TKFC: variants seen among roughly 807,000 people sequenced by gnomAD.
TKFC encodes the protein triokinase and FMN cyclase, also known as triokinase/FMN cyclase.
A neutral mutation model predicts 61.0 loss-of-function variants in TKFC; 46 were observed. That is an observed-to-expected ratio of 0.75 (90% CI 0.60 to 0.96). The LOEUF (loss-of-function observed/expected upper bound fraction) is 0.96, where lower values mean the gene tolerates loss of function less well. Among genes scored for constraint, TKFC ranks in the 50% least tolerant of loss-of-function variants. The pLI is 0.00. For missense variants in TKFC, 715 were observed against 777.5 expected (o/e 0.92, Z 0.96); for synonymous variants, 314 against 330.1 (o/e 0.95, Z 0.53).
At chr11:61,333,712 A>T (rs184233557) in intron 1 of TKFC, 133 of 152,116 alleles carry the variant, frequency 8.7e-4, no homozygotes, top group Non-Finnish European at 1.4e-3. Context: ...TCAAACACAA[A>T]ACCAGTATTT....
In TKFC at chr11:61,341,437, T is replaced by G. The variant is rs1590730099; in HGVS notation, c.488T>G (p.Val163Gly). 1 of 1,553,128 alleles carries G rather than the reference T, an allele frequency of 6.4e-7. No individual in the cohort carries two copies. Among genetic ancestry groups the G allele is most frequent in the Non-Finnish European group, 8.7e-7 (1 of 1,147,700 alleles). The part of the protein sequence containing the change: ...GLCGTVLIHK[V>G]AGALAEAGVG... ...GCTTTTACCTCTTTGTGGCTGCAGG[T>G]GGCAGGTGCTCTGGCTGAGGCTGGT... is the stretch of plus-strand genomic sequence containing the variant. The change falls in exon 6 of 18, where the codon GTG becomes GGG. Residue 163 changes from valine to glycine, a missense_variant and splice_region_variant. Coordinates refer to ENST00000394900, the MANE Select transcript of TKFC (RefSeq NM_015533.4).
chr11:61,341,062 A>C (rs967810313), intron 5 of TKFC, among the ~76,000 whole-genome samples: 1 of 151,592 alleles, frequency 6.6e-6, no homozygotes, highest in East Asian at 1.9e-4. Flanking sequence ...GGGTGGATGG[A>C]TGGATGGATA....
chr11:61,342,989 C>T, intron 10 of TKFC, 145 bp downstream of exon 10: 1 of 794,028 alleles, frequency 1.3e-6, no homozygotes, highest in Non-Finnish European at 2.0e-6. Context: ...ATACCTTGAG[C>T]CTCTGTTTGT....
chr11:61,334,784 C>T (rs1281079531), intron 2 of TKFC, 53 bp downstream of exon 2: 2 of 1,613,426 alleles, frequency 1.2e-6, no homozygotes, highest in Admixed American at 3.3e-5. Context: ...AAAGCAGGAT[C>T]CCAGCCTTGG....
At chr11:61,350,433 A>T, downstream of TKFC, 1 of 1,611,332 alleles carries the variant, frequency 6.2e-7, no homozygotes, top group African/African-American at 1.3e-5. Context: ...CTGGAAAGAG[A>T]GGCAGATGCC....
In TKFC at chr11:61,337,799, C is replaced by T. The variant is rs78000519; in HGVS notation, c.4-142C>T. On this transcript the variant is annotated intron_variant, in intron 2 of 17. Transcript: ENST00000394900. ...TCACAGAAATACCCACCTAAGATGT[C>T]GCCCAACTCAAGGAAGTCCTGTGCT... 1.1e-3 allele frequency: 722 copies of T among 661,842 alleles called. 7 individuals are homozygous for T. In the African/African-American group the frequency reaches 0.012, roughly 11 times the overall value. 41.0% of individuals were successfully genotyped at this position (661,842 alleles called of 1,614,324 possible).
intron 3 of TKFC, 58 bp from the exon 4 acceptor site, chr11:61,339,008 C>A: frequency 6.8e-7 from 1 of 1,479,648 alleles, no homozygotes; most frequent in Non-Finnish European, 9.3e-7. Context: ...TGGGAAGCCC[C>A]AGTGACTACA....
In TKFC at chr11:61,343,954, CCT is replaced by C. The variant is rs1030962633; in HGVS notation, c.1082_1083del (p.Pro361ArgfsTer40). 9 of 1,611,472 alleles carry C rather than the reference CCT, an allele frequency of 5.6e-6. No homozygotes were observed. In the African/African-American group the frequency reaches 9.3e-5, roughly 17 times the overall value. ...RVAPAEPQEA[P>X]DSTAAGGSAS... is the part of the protein sequence containing the mutation. Reference sequence around the variant, plus strand: ...AGCCCCTGCCGAGCCCCAGGAGGCCCCTGATTCCACTGCTGCAGGAGGTACCA... The same window carrying C: ...AGCCCCTGCCGAGCCCCAGGAGGCCCGATTCCACTGCTGCAGGAGGTACCA... On this transcript the variant is annotated frameshift_variant, in exon 12 of 18. Transcript: ENST00000394900. LOFTEE classifies it high-confidence loss of function.
chr11:61,351,332 C>T (rs1027332397), downstream of TKFC: 20 of 608,866 alleles, frequency 3.3e-5, no homozygotes, highest in Admixed American at 5.5e-4. Context: ...CTCTGTCACC[C>T]GGGCTGGAGT....
At position 61,341,461 on chromosome 11, in the gene TKFC, G is replaced by T. The variant is rs747130764; in HGVS notation, c.512G>T (p.Gly171Val). Reference sequence around the variant, plus strand: ...GTGGCAGGTGCTCTGGCTGAGGCTGGTGTGGGGCTGGAGGAGATCGCAAAG... The same window carrying T: ...GTGGCAGGTGCTCTGGCTGAGGCTGTTGTGGGGCTGGAGGAGATCGCAAAG... ...HKVAGALAEA[G>V]VGLEEIAKQV... Residue 171 changes from glycine (G) to valine (V), a missense_variant, in exon 6 of 18, where the codon GGT becomes GTT. Transcript: ENST00000394900. The T allele has an allele frequency of 8.4e-6, 13 of 1,554,882 alleles. No individual in the cohort carries two copies.
intron 5 of TKFC, 195 bp downstream of exon 5, chr11:61,339,630 C>A: frequency 1.6e-6 from 1 of 630,186 alleles, no homozygotes; most frequent in Non-Finnish European, 2.7e-6. Flanking sequence ...CCAGACTCGT[C>A]CCCTTTTCTT....
In TKFC at chr11:61,348,486, T is replaced by C. The variant is rs1857247592; in HGVS notation, c.*1983T>C. On this transcript the variant is annotated 3_prime_UTR_variant, in exon 18 of 18. Coordinates refer to ENST00000394900, the MANE Select transcript of TKFC (RefSeq NM_015533.4). Reference sequence around the variant, plus strand: ...CATCATTTCATTAGAGGGCTGTTATTAGAGACTGAATGTTTGTGTCCCCCC... The same window carrying C: ...CATCATTTCATTAGAGGGCTGTTATCAGAGACTGAATGTTTGTGTCCCCCC... 1 of 985,370 alleles carries C rather than the reference T, an allele frequency of 1.0e-6. No individual in the cohort carries two copies. Among genetic ancestry groups the C allele is most frequent in the African/African-American group, 1.7e-5 (1 of 57,226 alleles). The allele number at this position is 985,370 out of a possible 1,614,324, so 61.0% of individuals were successfully genotyped here. A position where few individuals can be genotyped will look rare whatever the true frequency, so the allele number is the denominator to read the frequency against.
chr11:61,338,160 C>T (rs1856694448), intron 3 of TKFC, 30 bp downstream of exon 3: 1 of 1,536,428 alleles, frequency 6.5e-7, no homozygotes, highest in South Asian at 1.2e-5. Flanking sequence ...GCAGGGGGTA[C>T]TAGTGGAGTG....
intron 7 of TKFC, 72 bp from the exon 8 acceptor site, chr11:61,342,389 G>A (rs1401211974): frequency 6.3e-7 from 1 of 1,598,576 alleles, no homozygotes; most frequent in Non-Finnish European, 8.6e-7. Context: ...AGCACTGTGT[G>A]AGTCCTTGAT....
chr11:61,338,429 T>G (rs1856707645), intron 3 of TKFC, among the ~76,000 whole-genome samples: 1 of 152,170 alleles, frequency 6.6e-6, no homozygotes, highest in East Asian at 1.9e-4. Context: ...CCCACCCCGA[T>G]TCCATGAAGG....
At position 61,347,589 on chromosome 11, in the gene TKFC, C is replaced by G. The variant is rs1302463324; in HGVS notation, c.*1086C>G. 2.0e-6 allele frequency: 2 copies of G among 984,280 alleles called. No homozygotes were observed. The highest frequency in any genetic ancestry group is 2.4e-6 in the Non-Finnish European group (2 of 829,940). 61.0% of individuals were successfully genotyped at this position (984,280 alleles called of 1,614,324 possible). On this transcript the variant is annotated 3_prime_UTR_variant, in exon 18 of 18. Transcript: ENST00000394900. ...ACTGCAGCCAAGCCAGCCCCTAGGTCTCTTTCTAGAGCGATCACTGATGGC... is the reference window on the plus strand; with the variant it reads ...ACTGCAGCCAAGCCAGCCCCTAGGTGTCTTTCTAGAGCGATCACTGATGGC...
rs774376624 is a variant in TKFC at position 61,345,366 on chromosome 11, G to A, written c.1347G>A (p.Ala449=). 27 of 1,600,228 alleles carry A rather than the reference G, an allele frequency of 1.7e-5. No individual in the cohort carries two copies. The highest frequency in any genetic ancestry group is 1.6e-4 in the East Asian group (7 of 44,542). The change falls in exon 14 of 18, where the codon GCG becomes GCA. Residue 449 remains alanine, a splice_region_variant and synonymous_variant. Transcript: ENST00000394900. ...AGAAGATGGGAGGCTCATCTGGGGC[G>A]GTGGGTGCCTGGGGGCTGAAGGGCT... is the stretch of plus-strand genomic sequence containing the variant. ...LLEKMGGSSG[A]LYGLFLTAAA... is the part of the protein sequence containing the mutation.
rs1290500050 is a variant in TKFC at position 61,348,505 on chromosome 11, T to C, written c.*2002T>C. On this transcript the variant is annotated 3_prime_UTR_variant, in exon 18 of 18. Transcript: ENST00000394900. The stretch of plus-strand genomic sequence containing the variant: ...TGTTATTAGAGACTGAATGTTTGTG[T>C]CCCCCCCAAATTCCTGTGTTGAAAG... 2 of 984,922 alleles carry C rather than the reference T, an allele frequency of 2.0e-6. No individual in the cohort carries two copies. The highest frequency in any genetic ancestry group is 6.2e-5 in the Admixed American group (1 of 16,244). The allele number at this position is 984,922 out of a possible 1,614,324, so 61.0% of individuals were successfully genotyped here.
intron 5 of TKFC, among the ~76,000 whole-genome samples, chr11:61,340,719 G>C (rs1209497157): frequency 6.6e-6 from 1 of 152,102 alleles, no homozygotes; most frequent in Non-Finnish European, 1.5e-5. Flanking sequence ...ATCATCTCTG[G>C]CTTTGCTTAT....
Sources: allele counts gnomAD v4.1 joint callset (sites outside exome capture counted in the v4.1 genomes callset), GRCh38; gene constraint gnomAD v4.1.1; transcripts MANE v1.5; gene names NCBI Gene and HGNC (gene_info 2026-07-23, HGNC 2026-07-21).